The following DMXL2 variants were observed in gnomAD, a reference collection of about 807,000 sequenced individuals.
DMXL2 encodes dmX-like protein 2.
In DMXL2, 103 loss-of-function variants were observed where a neutral mutation model predicts 331.1. The observed-to-expected ratio is 0.31, with a 90% CI of 0.27 to 0.37. DMXL2 has a LOEUF of 0.37. Among genes scored for constraint, DMXL2 ranks in the 10% least tolerant of loss-of-function variants. DMXL2 has a pLI of 1.00. For synonymous variants in DMXL2, 1,281 were observed against 1,252.1 expected (o/e 1.02, Z -0.49); for missense variants, 3,171 against 3,642.9 (o/e 0.87, Z 3.33).
chr15:51,551,215 T>G (rs940260369), intron 6 of DMXL2, among the ~76,000 whole-genome samples: 4 of 152,112 alleles, frequency 2.6e-5, no homozygotes, highest in African/African-American at 9.7e-5. Context: ...AGAAAATAGC[T>G]TTTTCAATCC....
At position 51,536,464 on chromosome 15, in the gene DMXL2, A is replaced by G. The variant is rs374309987; in HGVS notation, c.2016T>C (p.Asn672=). The part of the protein sequence containing the change: ...LPLLLTSSHH[N]ALLTPELDCQ... Reference sequence around the variant, plus strand: ...AATCTAATTCAGGAGTCAATAGAGCATTATGATGAGAGGATGTCAATAACA... The same window carrying G: ...AATCTAATTCAGGAGTCAATAGAGCGTTATGATGAGAGGATGTCAATAACA... The change falls in exon 12 of 44, where the codon AAT becomes AAC. Residue 672 remains asparagine (N), a synonymous_variant. Transcript: ENST00000560891. 1.9e-6 allele frequency: 3 copies of G among 1,613,952 alleles called. No individual in the cohort carries two copies. The African/African-American group carries it at 4.0e-5, about 22-fold the overall frequency.
intron 2 of DMXL2, among the ~76,000 whole-genome samples, chr15:51,571,152 C>CA (rs1365395487): frequency 6.6e-6 from 1 of 152,090 alleles, no homozygotes; most frequent in African/African-American, 2.4e-5. Context: ...TCTGATAAAA[C>CA]AGACTTTAAA....
intron 1 of DMXL2, among the ~76,000 whole-genome samples, chr15:51,607,958 G>A (rs2053703208): frequency 6.6e-6 from 1 of 152,128 alleles, no homozygotes; most frequent in South Asian, 2.1e-4. Context: ...GGCTGAGGTG[G>A]GCAGACTGCT....
chr15:51,560,900 G>A (rs2049921664), intron 6 of DMXL2, among the ~76,000 whole-genome samples: 2 of 151,760 alleles, frequency 1.3e-5, no homozygotes, highest in South Asian at 4.1e-4. Context: ...TCAAGTTGAG[G>A]AGTAGGGTAC....
At chr15:51,612,386 C>T (rs1034758579) in intron 1 of DMXL2, among the ~76,000 whole-genome samples, 1 of 152,116 alleles carries the variant, frequency 6.6e-6, no homozygotes, top group African/African-American at 2.4e-5. Flanking sequence ...ATAACAATAT[C>T]GGGGGAAATT....
rs148062616 is a variant in DMXL2 at position 51,481,130 on chromosome 15, A to T, written c.5976T>A (p.Asp1992Glu). Residue 1992 changes from aspartate (D) to glutamate (E), a missense_variant, in exon 24 of 44, where the codon GAT becomes GAA. Asp to Glu is a conservative substitution (Grantham distance 45). Around this residue, in one of 7 missense-constraint regions of DMXL2, gnomAD observed 244 missense variants for 251.4 expected, o/e 0.97. Transcript: ENST00000560891. Reference sequence around the variant, plus strand: ...TACTTTTCATCACTAAACCAACAGCATCGTCTTCCTCTTCATCTAAGGCAC... The same window carrying T: ...TACTTTTCATCACTAAACCAACAGCTTCGTCTTCCTCTTCATCTAAGGCAC... ...HDSALDEEED[D>E]AVGLVMKSTD... is the part of the protein sequence containing the mutation. The T allele has an allele frequency of 0.011, 17,186 of 1,611,848 alleles. 107 individuals carry two copies. Among genetic ancestry groups the T allele is most frequent in the Non-Finnish European group, 0.013 (14,757 of 1,178,278 alleles).
intron 13 of DMXL2, among the ~76,000 whole-genome samples, chr15:51,532,053 T>C (rs1009531470): frequency 1.3e-5 from 2 of 152,080 alleles, no homozygotes; most frequent in African/African-American, 2.4e-5. Flanking sequence ...ATTGGTATAC[T>C]GAAGAGGTAT....
chr15:51,538,074 A>C, intron 10 of DMXL2, 139 bp downstream of exon 10: 1 of 1,099,418 alleles, frequency 9.1e-7, no homozygotes, highest in Non-Finnish European at 1.3e-6. Context: ...GATCCAAGGC[A>C]GATGGTCAGT....
At chr15:51,509,686 C>A (rs942084182) in intron 15 of DMXL2, among the ~76,000 whole-genome samples, 30 of 152,240 alleles carry the variant, frequency 2.0e-4, no homozygotes, top group African/African-American at 5.8e-4. Flanking sequence ...AAAAGAGGGA[C>A]TCCTCCCTAA....
rs2054741473 is a variant in DMXL2, at chr15:51,622,722, G to A, written c.-177C>T. ...TCCCTCCGCCTCGTCCCTGCCATGG[G>A]AGCTCCTCGACCGCCGCCGCCGCCC... On this transcript the variant is annotated 5_prime_UTR_variant, in exon 1 of 44. Coordinates refer to ENST00000560891, the MANE Select transcript of DMXL2 (RefSeq NM_001378457.1). 3 of 1,286,710 alleles carry A rather than the reference G, an allele frequency of 2.3e-6. No individual in the cohort carries two copies. The highest frequency in any genetic ancestry group is 2.9e-5 in the East Asian group (1 of 34,948). 79.7% of individuals were successfully genotyped at this position (1,286,710 alleles called of 1,614,324 possible). A position where few individuals can be genotyped will look rare whatever the true frequency, so the allele number is the denominator to read the frequency against.
chr15:51,536,050 A>T, intron 12 of DMXL2, 116 bp downstream of exon 12: 1 of 1,017,882 alleles, frequency 9.8e-7, no homozygotes, highest in Non-Finnish European at 1.4e-6. Context: ...AAATCACCTT[A>T]ATGAAAACTG....
chr15:51,480,748 C>G lies in DMXL2; in HGVS notation c.6358G>C (p.Asp2120His). 6.3e-7 allele frequency: 1 copy of G among 1,599,902 alleles called. No homozygotes were observed. The highest frequency in any genetic ancestry group is 8.5e-7 in the Non-Finnish European group (1 of 1,170,234). ...TGATGGCGCTCATAGGAACCAATAT[C>G]TGGTTTGTCTACCATTTCTTCCTGA... The part of the protein sequence containing the change: ...LDQEEMVDKP[D>H]IGSYERHQIE... The change falls in exon 24 of 44, where the codon GAT (aspartate) becomes CAT (histidine). Residue 2120 changes from aspartate (D) to histidine (H), a missense_variant. Coordinates refer to ENST00000560891, the MANE Select transcript of DMXL2 (RefSeq NM_001378457.1).
intron 13 of DMXL2, among the ~76,000 whole-genome samples, chr15:51,534,634 A>C (rs1413849840): frequency 6.6e-6 from 1 of 152,140 alleles, no homozygotes; most frequent in South Asian, 2.1e-4. Context: ...TTCTAGTTCT[A>C]TGATTCTATT....
At chr15:51,545,516 G>A (rs140463298) in intron 8 of DMXL2, 67 bp downstream of exon 8, 2 of 1,424,324 alleles carry the variant, frequency 1.4e-6, no homozygotes, top group Non-Finnish European at 1.9e-6. Flanking sequence ...CTGCATGTTA[G>A]TTCATGAATT....
intron 42 of DMXL2, 90 bp downstream of exon 42, chr15:51,451,555 T>TG: frequency 9.9e-7 from 1 of 1,013,624 alleles, no homozygotes. Context: ...AAACACTCAC[T>TG]GGATTCACTA....
Position 51,491,725 on chromosome 15 carries a change from G to C in DMXL2, c.4806C>G (p.Ala1602=). 6.2e-7 allele frequency: 1 copy of C among 1,606,824 alleles called. No homozygotes were observed. Among genetic ancestry groups the C allele is most frequent in the Non-Finnish European group, 8.5e-7 (1 of 1,177,872 alleles). The stretch of plus-strand genomic sequence containing the variant: ...CTTCAGCCTCAGAATGAAAAGCCCA[G>C]GCAAAATGGCATGTAGAGACACCTA... ...LHQGVSTCHF[A]WAFHSEAEEE... Residue 1602 remains alanine, a synonymous_variant, in exon 20 of 44, where the codon GCC becomes GCG. Transcript: ENST00000560891.
At chr15:51,470,140 A>G (rs1332932046) in intron 29 of DMXL2, among the ~76,000 whole-genome samples, 1 of 151,996 alleles carries the variant, frequency 6.6e-6, no homozygotes, top group Non-Finnish European at 1.5e-5. Context: ...GACGTAACCA[A>G]AGTCTTTTTT....
At chr15:51,553,408 T>G (rs2049344148) in intron 6 of DMXL2, among the ~76,000 whole-genome samples, 1 of 152,214 alleles carries the variant, frequency 6.6e-6, no homozygotes, top group Non-Finnish European at 1.5e-5. Context: ...CTATAAAAGA[T>G]TCTCATGTGT....
chr15:51,602,804 C>T (rs1433868352), intron 1 of DMXL2, among the ~76,000 whole-genome samples: 11 of 152,218 alleles, frequency 7.2e-5, no homozygotes, highest in Admixed American at 7.2e-4. Flanking sequence ...ACCCAGCCAG[C>T]TCTAATTCCT....
Sources: gnomAD v4.1 joint callset for allele counts (sites outside exome capture counted in the v4.1 genomes callset) on GRCh38, gnomAD v4.1.1 for gene constraint, gnomAD v4.1.1 regional missense constraint, MANE v1.5 for transcripts, NCBI Gene and HGNC (gene_info 2026-07-23, HGNC 2026-07-21) for gene names.